The following JAM2 variants were observed in gnomAD, a reference collection of about 807,000 sequenced individuals.
The protein encoded by JAM2 is junctional adhesion molecule 2.
A neutral mutation model predicts 42.0 loss-of-function variants in JAM2; 17 were observed. The ratio of observed to expected loss-of-function variants is 0.40; its 90% CI spans 0.28 to 0.61. JAM2 has a LOEUF of 0.61. Ranked by LOEUF, JAM2 falls within the 20% of genes least tolerant of loss-of-function variation. The pLI is 0.37. For synonymous variants in JAM2, 118 were observed against 128.6 expected (o/e 0.92, Z 0.56); for missense variants, 319 against 358.3 (o/e 0.89, Z 0.89).
intron 4 of JAM2, among the ~76,000 whole-genome samples, chr21:25,696,464 CCTT>C (rs1224753468): frequency 6.6e-6 from 1 of 152,122 alleles, no homozygotes; most frequent in Non-Finnish European, 1.5e-5. Flanking sequence ...TGTTCATGCT[CCTT>C]CTGAAATACT....
At chr21:25,680,914 T>C (rs1222731864) in intron 1 of JAM2, among the ~76,000 whole-genome samples, 3 of 151,974 alleles carry the variant, frequency 2.0e-5, no homozygotes, top group Admixed American at 1.3e-4. Context: ...GAGAATCAAG[T>C]TACAGAATAC....
At chr21:25,695,980 C>T (rs1306336249) in intron 4 of JAM2, among the ~76,000 whole-genome samples, 1 of 152,038 alleles carries the variant, frequency 6.6e-6, no homozygotes, top group Non-Finnish European at 1.5e-5. Flanking sequence ...ACTTCCCAGA[C>T]GGGGTGGCGG....
rs141214037 is a variant in JAM2, at chr21:25,655,040, T to C, written c.67+15152T>C. 6.4e-3 allele frequency among the ~76,000 whole-genome samples: 970 copies of C among 152,348 alleles called. 10 individuals carry two copies. Among genetic ancestry groups the C allele is most frequent in the African/African-American group, 0.022 (898 of 41,580 alleles). On this transcript the variant is annotated intron_variant, in intron 1 of 9. Coordinates refer to ENST00000480456, the MANE Select transcript of JAM2 (RefSeq NM_021219.4). ...CAGGGAAATGTGGCTAGATATTAAA[T>C]TATAACAAGGAATTATTTTTGTTAG... is the stretch of plus-strand genomic sequence containing the variant.
At chr21:25,665,442 A>T (rs951514370) in intron 1 of JAM2, among the ~76,000 whole-genome samples, 1 of 152,232 alleles carries the variant, frequency 6.6e-6, no homozygotes, top group Non-Finnish European at 1.5e-5. Flanking sequence ...ACTATAATTC[A>T]TTATGATGCT....
chr21:25,678,046 T>G (rs2033540751), intron 1 of JAM2, among the ~76,000 whole-genome samples: 1 of 151,964 alleles, frequency 6.6e-6, no homozygotes, highest in Non-Finnish European at 1.5e-5. Flanking sequence ...ACAGCCATGG[T>G]GAAACCCTGT....
chr21:25,640,637 A>G (rs994098343), intron 1 of JAM2, among the ~76,000 whole-genome samples: 2 of 152,212 alleles, frequency 1.3e-5, no homozygotes, highest in African/African-American at 4.8e-5. Flanking sequence ...GAGATTTGAA[A>G]TCCTGGGAAC....
intron 1 of JAM2, among the ~76,000 whole-genome samples, chr21:25,647,169 T>C (rs929386704): frequency 3.3e-5 from 5 of 152,230 alleles, no homozygotes; most frequent in African/African-American, 1.2e-4. Flanking sequence ...GAATGAATTG[T>C]TAAACACATT....
At chr21:25,709,122 T>C (rs2034332438) in intron 7 of JAM2, among the ~76,000 whole-genome samples, 1 of 151,928 alleles carries the variant, frequency 6.6e-6, no homozygotes, top group Admixed American at 6.6e-5. Context: ...TAGGCCTGTT[T>C]TTCAAGACTT....
At chr21:25,702,820 C>T (rs923618941) in intron 6 of JAM2, among the ~76,000 whole-genome samples, 4 of 152,058 alleles carry the variant, frequency 2.6e-5, no homozygotes, top group African/African-American at 7.2e-5. Context: ...TATTCACATA[C>T]GTCCCCATGG....
At chr21:25,681,938 T>C (rs538130672) in intron 1 of JAM2, among the ~76,000 whole-genome samples, 2 of 152,274 alleles carry the variant, frequency 1.3e-5, no homozygotes, top group African/African-American at 4.8e-5. Flanking sequence ...GCTGAGATTG[T>C]GCCACTGCAC....
At chr21:25,711,903 C>G (rs1460390449) in intron 8 of JAM2, 2 of 212,034 alleles carry the variant, frequency 9.4e-6, no homozygotes, top group Non-Finnish European at 1.9e-5. Flanking sequence ...TTCATTAAAT[C>G]TGTGGCCTTC....
intron 3 of JAM2, among the ~76,000 whole-genome samples, chr21:25,691,005 AT>A (rs2033868775): frequency 6.6e-6 from 1 of 152,250 alleles, no homozygotes; most frequent in Non-Finnish European, 1.5e-5. Flanking sequence ...TAAACCATGC[AT>A]TGATTACTAT....
chr21:25,674,767 C>T (rs551317777), intron 1 of JAM2, among the ~76,000 whole-genome samples: 1 of 151,256 alleles, frequency 6.6e-6, no homozygotes, highest in East Asian at 1.9e-4. Context: ...TCTTTCTCCC[C>T]TACTCTCTAA....
rs763002833 is a variant in JAM2, at chr21:25,714,664, ATAATT to A, written c.893_897del (p.Ile298LysfsTer5). 14 of 1,511,964 alleles carry A rather than the reference ATAATT, an allele frequency of 9.3e-6. No homozygotes were observed. The East Asian group carries it at 1.2e-4, about 13-fold the overall frequency. 93.7% of individuals were successfully genotyped at this position (1,511,964 alleles called of 1,614,324 possible). On this transcript the variant is annotated frameshift_variant, in exon 10 of 10. Coordinates refer to ENST00000480456, the MANE Select transcript of JAM2 (RefSeq NM_021219.4). LOFTEE classifies it high-confidence loss of function. ...GGATTTCAAGCACACAAAATCCTTT[ATAATT>A]TAAAGACTCCACTTTAGAGATACAC...
At chr21:25,705,907 C>G in intron 6 of JAM2, 72 bp from the exon 7 acceptor site, 1 of 1,062,302 alleles carries the variant, frequency 9.4e-7, no homozygotes, top group East Asian at 2.4e-5. Context: ...TTTTTTGAAC[C>G]TTTTCAATTT....
chr21:25,673,071 G>T (rs887236607), intron 1 of JAM2, among the ~76,000 whole-genome samples: 3 of 152,108 alleles, frequency 2.0e-5, no homozygotes, highest in Non-Finnish European at 2.9e-5. Flanking sequence ...ATTGTCACTT[G>T]GGGAAAATCA....
chr21:25,675,420 C>G (rs576733438), intron 1 of JAM2, among the ~76,000 whole-genome samples: 22 of 151,984 alleles, frequency 1.4e-4, no homozygotes. Flanking sequence ...CAGTTGAGCC[C>G]GGGAAGCAGA....
intron 1 of JAM2, among the ~76,000 whole-genome samples, chr21:25,670,103 T>C (rs2033322265): frequency 6.6e-6 from 1 of 152,254 alleles, no homozygotes; most frequent in African/African-American, 2.4e-5. Context: ...ACTTGAGTTA[T>C]ATTACGACAA....
At chr21:25,675,519 A>G (rs946064718) in intron 1 of JAM2, among the ~76,000 whole-genome samples, 35 of 145,754 alleles carry the variant, frequency 2.4e-4, no homozygotes, top group African/African-American at 8.5e-4. Context: ...GAGAGAGGAG[A>G]GAGAGAGAAA....
Sources: gnomAD v4.1 joint callset for allele counts (sites outside exome capture counted in the v4.1 genomes callset) on GRCh38, gnomAD v4.1.1 for gene constraint, MANE v1.5 for transcripts, NCBI Gene and HGNC (gene_info 2026-07-23, HGNC 2026-07-21) for gene names.